The following MDGA2 variants were observed in gnomAD, a reference collection of about 807,000 sequenced individuals.
MDGA2 encodes MAM domain-containing glycosylphosphatidylinositol anchor protein 2.
Under a neutral mutation model 117.8 loss-of-function variants are expected in MDGA2, and 40 were observed. The ratio of observed to expected loss-of-function variants is 0.34; its 90% CI spans 0.26 to 0.44. The LOEUF (loss-of-function observed/expected upper bound fraction) is 0.44. Among genes scored for constraint, MDGA2 ranks in the 20% least tolerant of loss-of-function variants. The probability of loss-of-function intolerance (pLI) is 1.00; values close to 1 mark genes in which losing one functional copy is unlikely to be tolerated. For synonymous variants in MDGA2, 452 were observed against 439.0 expected (o/e 1.03, Z -0.37); for missense variants, 1,123 against 1,250.6 (o/e 0.90, Z 1.54).
intron 2 of MDGA2, among the ~76,000 whole-genome samples, chr14:47,297,647 C>G (rs1003616095): frequency 1.3e-5 from 2 of 152,108 alleles, no homozygotes; most frequent in African/African-American, 4.8e-5. Flanking sequence ...TTCTTTCTTA[C>G]TTCTTCATGC....
intron 7 of MDGA2, among the ~76,000 whole-genome samples, chr14:47,041,692 A>G (rs1315549445): frequency 2.0e-5 from 3 of 152,082 alleles, no homozygotes; most frequent in African/African-American, 4.8e-5. Flanking sequence ...TTTTCCACTG[A>G]TCACAGACTG....
intron 1 of MDGA2, among the ~76,000 whole-genome samples, chr14:47,384,371 A>T (rs1891710863): frequency 6.6e-6 from 1 of 151,534 alleles, no homozygotes; most frequent in African/African-American, 2.4e-5. Context: ...AAACCTCATA[A>T]TAATCTTAAA....
At chr14:47,099,833 T>A (rs1245845065) in intron 5 of MDGA2, among the ~76,000 whole-genome samples, 2 of 152,040 alleles carry the variant, frequency 1.3e-5, no homozygotes, top group Non-Finnish European at 2.9e-5. Flanking sequence ...TTAACATGCG[T>A]AATCTGAAGT....
At position 46,951,339 on chromosome 14, in the gene MDGA2, A is replaced by G. The variant is rs915635409; in HGVS notation, c.2089+6035T>C. Among the ~76,000 whole-genome samples the G allele has an allele frequency of 2.6e-5, 4 of 151,988 alleles. No homozygotes were observed. The East Asian group carries it at 5.8e-4, about 22-fold the overall frequency. On this transcript the variant is annotated intron_variant, in intron 9 of 16. Transcript: ENST00000399232. ...AATGCTGTGGCAGAAAGACCCTAAG[A>G]TGACTCCCAATGATTCCTGTCTCTT...
intron 3 of MDGA2, among the ~76,000 whole-genome samples, chr14:47,171,724 A>C (rs763864698): frequency 6.6e-6 from 1 of 152,232 alleles, no homozygotes; most frequent in Non-Finnish European, 1.5e-5. Context: ...GCGACACAGA[A>C]GATGGGAGAT....
At chr14:47,419,714 A>G (rs1892540707) in intron 1 of MDGA2, among the ~76,000 whole-genome samples, 1 of 152,018 alleles carries the variant, frequency 6.6e-6, no homozygotes, top group Non-Finnish European at 1.5e-5. Context: ...CTGAATATAT[A>G]CAATATATTA....
At chr14:46,847,576 T>C (rs1429331347) in intron 15 of MDGA2, among the ~76,000 whole-genome samples, 2 of 151,946 alleles carry the variant, frequency 1.3e-5, no homozygotes, top group Non-Finnish European at 1.5e-5. Context: ...TCAGAAGACT[T>C]TTTAACAGTC....
At position 47,161,783 on chromosome 14, in the gene MDGA2, A is replaced by T. The variant is rs546719556; in HGVS notation, c.596-17509T>A. Among the ~76,000 whole-genome samples the T allele has an allele frequency of 5.9e-5, 9 of 151,708 alleles. No homozygotes were observed. The South Asian group carries it at 1.2e-3, about 21-fold the overall frequency. ...TCTTCTTTTCTCTCCTGCCAACCTC[A>T]ACTCTTATATTTTGTTTTCGTTGAT... On this transcript the variant is annotated intron_variant, in intron 3 of 16. Coordinates refer to ENST00000399232, the MANE Select transcript of MDGA2 (RefSeq NM_001113498.3).
At chr14:46,946,506 G>T (rs909524469) in intron 9 of MDGA2, among the ~76,000 whole-genome samples, 1 of 152,024 alleles carries the variant, frequency 6.6e-6, no homozygotes, top group Non-Finnish European at 1.5e-5. Context: ...TAAATGAAAG[G>T]CTAACAAGCA....
chr14:47,193,999 C>T (rs1005106790), intron 3 of MDGA2, among the ~76,000 whole-genome samples: 15 of 152,112 alleles, frequency 9.9e-5, no homozygotes, highest in South Asian at 2.1e-4. Flanking sequence ...CCCTTTAGCA[C>T]AAGTAACTCA....
chr14:47,044,432 A>G (rs1889185465), intron 7 of MDGA2, among the ~76,000 whole-genome samples: 1 of 152,150 alleles, frequency 6.6e-6, no homozygotes, highest in African/African-American at 2.4e-5. Flanking sequence ...CAGTAAAGGA[A>G]AGGCTAGTTG....
At chr14:46,901,679 C>T (rs1158636232) in intron 10 of MDGA2, among the ~76,000 whole-genome samples, 1 of 152,134 alleles carries the variant, frequency 6.6e-6, no homozygotes, top group African/African-American at 2.4e-5. Context: ...ATTTAATTAA[C>T]CTGTAATGCT....
chr14:47,449,486 G>A (rs899796950), intron 1 of MDGA2, among the ~76,000 whole-genome samples: 8 of 152,002 alleles, frequency 5.3e-5, no homozygotes, highest in Non-Finnish European at 1.0e-4. Flanking sequence ...TATTTCAAAG[G>A]AGCATAACTT....
chr14:47,296,235 C>A (rs539856274), intron 2 of MDGA2, among the ~76,000 whole-genome samples: 2 of 151,864 alleles, frequency 1.3e-5, no homozygotes, highest in Admixed American at 1.3e-4. Flanking sequence ...TGACTTTAAG[C>A]TGTTAGAAAA....
intron 1 of MDGA2, among the ~76,000 whole-genome samples, chr14:47,451,614 C>A (rs1893242196): frequency 6.6e-6 from 1 of 152,042 alleles, no homozygotes; most frequent in Non-Finnish European, 1.5e-5. Context: ...GGGCCAAAAA[C>A]CTACGTAGTA....
intron 9 of MDGA2, among the ~76,000 whole-genome samples, chr14:46,937,107 T>C (rs1336471043): frequency 4.6e-5 from 7 of 151,972 alleles, no homozygotes; most frequent in African/African-American, 2.4e-5. Context: ...CAGGACACAA[T>C]ATCAGCTTAC....
chr14:46,854,549 A>G (rs1245519393), intron 15 of MDGA2, among the ~76,000 whole-genome samples: 1 of 151,732 alleles, frequency 6.6e-6, no homozygotes, highest in Non-Finnish European at 1.5e-5. Context: ...AAGAAAAATA[A>G]CTTATTTAAA....
intron 1 of MDGA2, among the ~76,000 whole-genome samples, chr14:47,473,772 T>C (rs1471059370): frequency 6.6e-6 from 1 of 152,006 alleles, no homozygotes; most frequent in Non-Finnish European, 1.5e-5. Context: ...AAATTCAATA[T>C]CCCTTCATGT....
chr14:47,214,531 T>C (rs1485107396), intron 3 of MDGA2, among the ~76,000 whole-genome samples: 2 of 152,134 alleles, frequency 1.3e-5, no homozygotes, highest in Admixed American at 6.6e-5. Flanking sequence ...AAAATCTATA[T>C]ACCTTAATAT....
Sources: gnomAD v4.1 joint callset for allele counts (sites outside exome capture counted in the v4.1 genomes callset) on GRCh38, gnomAD v4.1.1 for gene constraint, MANE v1.5 for transcripts, NCBI Gene and HGNC (gene_info 2026-07-23, HGNC 2026-07-21) for gene names.